LYRM4: variants seen among roughly 807,000 people sequenced by gnomAD.
LYRM4 encodes the protein LYR motif containing 4.
LYRM4 carries 9 observed loss-of-function variants against 11.7 expected under a neutral mutation model. The observed-to-expected ratio is 0.77, with a 90% CI of 0.46 to 1.34. LYRM4 has a LOEUF of 1.34. LYRM4 is among the 40% of genes most tolerant of loss of function. The probability of loss-of-function intolerance (pLI) is 0.00; values close to 1 mark genes in which losing one functional copy is unlikely to be tolerated. For missense variants in LYRM4, 133 were observed against 112.5 expected (o/e 1.18, Z -0.82); for synonymous variants, 42 against 40.4 (o/e 1.04, Z -0.15).
At chr6:5,224,138 A>G (rs1296892487) in intron 1 of LYRM4, among the ~76,000 whole-genome samples, 1 of 152,254 alleles carries the variant, frequency 6.6e-6, no homozygotes, top group African/African-American at 2.4e-5. Flanking sequence ...ATTCATCTTT[A>G]AAGACCTAAG....
chr6:5,067,217 A>G, the LYRM4 span, among the ~76,000 whole-genome samples: 3 of 152,240 alleles, frequency 2.0e-5, no homozygotes, highest in African/African-American at 4.8e-5. Context: ...ATATTTATGT[A>G]CACAGAAAAC....
chr6:5,086,034 G>C, the LYRM4 span: 2 of 1,489,490 alleles, frequency 1.3e-6, no homozygotes, highest in Non-Finnish European at 8.9e-7. Flanking sequence ...TGCTGGCCGC[G>C]GCGGCAGTGG....
At chr6:5,045,039 G>A in the LYRM4 span, among the ~76,000 whole-genome samples, 1 of 152,166 alleles carries the variant, frequency 6.6e-6, no homozygotes, top group African/African-American at 2.4e-5. Context: ...CATCATCCTT[G>A]TACCATGTTG....
the LYRM4 span, among the ~76,000 whole-genome samples, chr6:5,078,019 A>G: frequency 6.6e-6 from 1 of 152,376 alleles, no homozygotes; most frequent in African/African-American, 2.4e-5. Flanking sequence ...TTTGGGGTTC[A>G]TCCTCAGGCC....
chr6:5,148,859 G>A lies in LYRM4; in HGVS notation c.208-39368C>T, dbSNP rs547230818. Among the ~76,000 whole-genome samples the A allele has an allele frequency of 8.1e-4, 123 of 152,228 alleles. 2 individuals carry two copies. The South Asian group carries it at 0.013, about 16-fold the overall frequency. On this transcript the variant is annotated intron_variant, in intron 2 of 2. Coordinates refer to ENST00000330636, the MANE Select transcript of LYRM4 (RefSeq NM_020408.6). ...TAAAAATTACCTTGTCATTTGTAGC[G>A]CGCTTCCAAGTATAAAATTAAACGT... is the stretch of plus-strand genomic sequence containing the variant.
chr6:5,124,256 T>C (rs1482513669), intron 2 of LYRM4, among the ~76,000 whole-genome samples: 5 of 152,160 alleles, frequency 3.3e-5, no homozygotes, highest in African/African-American at 1.2e-4. Context: ...CCAGAAGCCT[T>C]GGCCTCCACA....
the LYRM4 span, among the ~76,000 whole-genome samples, chr6:5,093,893 G>A: frequency 7.9e-5 from 12 of 152,194 alleles, no homozygotes; most frequent in African/African-American, 9.7e-5. Flanking sequence ...ATGTAGCCTC[G>A]CCAGGTGTGT....
At chr6:5,051,643 G>A in the LYRM4 span, among the ~76,000 whole-genome samples, 14 of 152,306 alleles carry the variant, frequency 9.2e-5, no homozygotes, top group East Asian at 2.5e-3. Context: ...ATAAACAAAA[G>A]CTGAGGGAGT....
At chr6:5,155,718 G>A (rs895316720) in intron 2 of LYRM4, among the ~76,000 whole-genome samples, 2 of 152,182 alleles carry the variant, frequency 1.3e-5, no homozygotes, top group East Asian at 1.9e-4. Flanking sequence ...GCAGCAAAAC[G>A]TATGGATAGC....
At chr6:5,168,049 G>A (rs1394640298) in intron 2 of LYRM4, among the ~76,000 whole-genome samples, 2 of 151,528 alleles carry the variant, frequency 1.3e-5, no homozygotes, top group Non-Finnish European at 2.9e-5. Flanking sequence ...AAAAGAATAA[G>A]GATGGTCATG....
the LYRM4 span, among the ~76,000 whole-genome samples, chr6:5,067,160 C>A: frequency 3.3e-5 from 5 of 152,158 alleles, no homozygotes; most frequent in African/African-American, 1.2e-4. Context: ...CCAAGTTCAC[C>A]ACATTCCCCA....
the LYRM4 span, chr6:5,032,652 CTGT>C: frequency 6.6e-6 from 1 of 152,294 alleles, no homozygotes; most frequent in South Asian, 2.1e-4. Flanking sequence ...TTGAGAATGT[CTGT>C]AGTTTTATTA....
At chr6:5,094,819 A>G in the LYRM4 span, among the ~76,000 whole-genome samples, 1 of 152,226 alleles carries the variant, frequency 6.6e-6, no homozygotes, top group Non-Finnish European at 1.5e-5. Context: ...GCGATGTAGT[A>G]CTTTAAAAGG....
At chr6:5,066,867 C>T in the LYRM4 span, 1 of 947,298 alleles carries the variant, frequency 1.1e-6, no homozygotes, top group Non-Finnish European at 1.6e-6. Flanking sequence ...ACGGCGGTTC[C>T]TCGCCGGCAA....
chr6:5,198,254 G>A (rs1259330028), intron 2 of LYRM4, among the ~76,000 whole-genome samples: 4 of 152,028 alleles, frequency 2.6e-5, no homozygotes, highest in South Asian at 2.1e-4. Flanking sequence ...TGGACATCAC[G>A]GCTTTCAAGT....
At chr6:5,121,764 C>A (rs1409631832) in intron 2 of LYRM4, among the ~76,000 whole-genome samples, 3 of 152,204 alleles carry the variant, frequency 2.0e-5, no homozygotes, top group Non-Finnish European at 4.4e-5. Context: ...GGGGAGAGAC[C>A]AAAGCTCAGC....
chr6:5,131,604 G>A (rs931434968), intron 2 of LYRM4, among the ~76,000 whole-genome samples: 2 of 152,182 alleles, frequency 1.3e-5, no homozygotes, highest in African/African-American at 4.8e-5. Context: ...AACATTGTCT[G>A]TAAGCCATTC....
intron 2 of LYRM4, among the ~76,000 whole-genome samples, chr6:5,190,628 C>T (rs1189897923): frequency 6.6e-6 from 1 of 151,850 alleles, no homozygotes; most frequent in African/African-American, 2.4e-5. Context: ...GACAGCAGTC[C>T]CATGAAATTA....
chr6:5,099,972 C>T (rs1762450409), downstream of LYRM4, among the ~76,000 whole-genome samples: 1 of 152,152 alleles, frequency 6.6e-6, no homozygotes, highest in African/African-American at 2.4e-5. The surrounding 1 kb of genome is among the most constrained non-coding windows in gnomAD (Gnocchi z 4.3). Context: ...TTGGTCTCTC[C>T]TCAGGATGCA....
Sources: allele counts gnomAD v4.1 joint callset (sites outside exome capture counted in the v4.1 genomes callset), GRCh38; gene constraint gnomAD v4.1.1; non-coding constraint Gnocchi (gnomAD v3.1); transcripts MANE v1.5; gene names NCBI Gene and HGNC (gene_info 2026-07-23, HGNC 2026-07-21).